NTRK1: variants seen among roughly 807,000 people sequenced by gnomAD.
The protein encoded by NTRK1 is high affinity nerve growth factor receptor.
Under a neutral mutation model 86.8 loss-of-function variants are expected in NTRK1, and 62 were observed. That is an observed-to-expected ratio of 0.71 (90% confidence interval 0.58 to 0.88). The LOEUF is 0.88. Ranked by LOEUF, NTRK1 falls within the 40% of genes least tolerant of loss-of-function variation. The probability of loss-of-function intolerance (pLI) is 0.00; values close to 1 mark genes in which losing one functional copy is unlikely to be tolerated. For synonymous variants in NTRK1, 469 were observed against 456.6 expected (o/e 1.03, Z -0.35); for missense variants, 967 against 1,078.4 (o/e 0.90, Z 1.45).
At chr1:156,863,773 C>G (rs1477433174) in intron 1 of NTRK1, among the ~76,000 whole-genome samples, 2 of 152,098 alleles carry the variant, frequency 1.3e-5, no homozygotes, top group Non-Finnish European at 2.9e-5. Flanking sequence ...GCACAGGCTT[C>G]GTCTGTGCTG....
Position 156,823,271 on chromosome 1 carries a change from C to T in NTRK1, c.-64+7433C>T, listed in dbSNP as rs1046562693. ...CAGTACAATATTGTGCGCACACCAC[C>T]ACATCCAGTTCAGTTTCAAGCTCCA... On this transcript the variant is annotated intron_variant, in intron 1 of 16. Transcript: ENST00000392302. Among the ~76,000 whole-genome samples, 5 of 152,184 alleles carry T rather than the reference C, an allele frequency of 3.3e-5. No homozygotes were observed. The East Asian group carries it at 9.6e-4, about 29-fold the overall frequency.
At chr1:156,865,258 A>G (rs1421042498) in intron 3 of NTRK1, among the ~76,000 whole-genome samples, 19 of 152,262 alleles carry the variant, frequency 1.2e-4, no homozygotes, top group African/African-American at 4.6e-4. Context: ...CCTGTAGAGC[A>G]GTGGACCCCA....
Position 156,841,413 on chromosome 1 carries a change from C to T in NTRK1, c.-63-668C>T, listed in dbSNP as rs780268467. ...ACTCACAGCTGAAGGGGACAGCCCT[C>T]CAGCTCCTCCAGGACCCCGCCATCC... On this transcript the variant is annotated intron_variant, in intron 1 of 16. Transcript: ENST00000392302. The T allele has an allele frequency of 4.3e-6, 7 of 1,613,770 alleles. No homozygotes were observed. In the South Asian group the frequency reaches 7.7e-5, roughly 18 times the overall value.
chr1:156,855,384 T>C (rs1286833576), intron 2 of NTRK1, among the ~76,000 whole-genome samples: 1 of 152,162 alleles, frequency 6.6e-6, no homozygotes, highest in Non-Finnish European at 1.5e-5. Context: ...TTTGCATTTT[T>C]AGTAGAGGCA....
At position 156,871,613 on chromosome 1, in the gene NTRK1, C is replaced by T. The variant is rs2102899920; in HGVS notation, c.718-10C>T. 6.2e-7 allele frequency: 1 copy of T among 1,614,102 alleles called. No homozygotes were observed. The highest frequency in any genetic ancestry group is 8.5e-7 in the Non-Finnish European group (1 of 1,179,992). ...CTCCTTCTTATTCCCCCCTCTCTTTCCTGATCTAGAAATCTGGGGGTCTGC... is the reference window on the plus strand; with the variant it reads ...CTCCTTCTTATTCCCCCCTCTCTTTTCTGATCTAGAAATCTGGGGGTCTGC... On this transcript the variant is annotated splice_polypyrimidine_tract_variant and intron_variant, in intron 6 of 16. Transcript: ENST00000524377.
At chr1:156,841,307 AGAG>A in intron 1 of NTRK1, 1 of 1,163,216 alleles carries the variant, frequency 8.6e-7, no homozygotes, top group Middle Eastern at 2.8e-4. Flanking sequence ...TCAAAGCATC[AGAG>A]GAGGTGAGCC....
intron 2 of NTRK1, among the ~76,000 whole-genome samples, chr1:156,855,232 C>T (rs1175151281): frequency 2.6e-5 from 2 of 77,262 alleles, no homozygotes; most frequent in African/African-American, 4.5e-5. Context: ...GATATGGAGT[C>T]TCACTCTGTC....
chr1:156,825,589 C>T (rs1654297033), intron 1 of NTRK1, among the ~76,000 whole-genome samples: 1 of 152,078 alleles, frequency 6.6e-6, no homozygotes, highest in Non-Finnish European at 1.5e-5. Flanking sequence ...AACAATGGCC[C>T]CATCATTACC....
intron 14 of NTRK1, 22 bp from the exon 15 acceptor site, chr1:156,879,100 C>T (rs371245492): frequency 1.3e-4 from 215 of 1,612,070 alleles, no homozygotes; most frequent in Non-Finnish European, 1.7e-4. Flanking sequence ...CAGCCTATCC[C>T]CTCTCCTTTT....
At chr1:156,849,513 G>GGGGGGGGGGGGGGGGC in intron 2 of NTRK1, 15 of 486,106 alleles carry the variant, frequency 3.1e-5, no homozygotes, top group East Asian at 1.1e-4. Context: ...CAGGGGGTGG[G>GGGGGGGGGGGGGGGGC]AAAGGGGATG....
In NTRK1 at chr1:156,827,180, G is replaced by A. The variant is rs1403264534; in HGVS notation, c.-64+11342G>A. ...TCACTGTAGCCTTGAACCCCCAGGT[G>A]CAAGCAATCCTCCACTTCAGCTTCC... On this transcript the variant is annotated intron_variant, in intron 1 of 16. Transcript: ENST00000392302. Among the ~76,000 whole-genome samples the A allele has an allele frequency of 5.9e-5, 3 of 50,498 alleles. No homozygotes were observed. In the Admixed American group the frequency reaches 7.0e-4, roughly 12 times the overall value. The allele number at this position is 50,498 out of a possible 152,430, so 33.1% of individuals were successfully genotyped here.
At chr1:156,852,338 TG>T in intron 2 of NTRK1, 1 of 787,004 alleles carries the variant, frequency 1.3e-6, no homozygotes, top group South Asian at 2.0e-5. Flanking sequence ...TTGCCGACTC[TG>T]TTCCCCTCCG....
rs2102917737 is a variant in NTRK1 at position 156,876,181 on chromosome 1, G to T, written c.1603G>T (p.Glu535Ter). 6.2e-7 allele frequency: 1 copy of T among 1,614,186 alleles called. No individual in the cohort carries two copies. The highest frequency in any genetic ancestry group is 1.1e-5 in the South Asian group (1 of 91,082). Residue 535 changes from glutamate (E) to a stop codon, truncating the protein, a stop_gained, in exon 13 of 17, where the codon GAG becomes TAG. Coordinates refer to ENST00000524377, the MANE Select transcript of NTRK1 (RefSeq NM_002529.4). LOFTEE classifies it high-confidence loss of function. Reference protein sequence around the residue: ...FLAECHNLLPEQDKMLVAVKA... With the variant: ...FLAECHNLLP Reference sequence around the variant, plus strand: ...TGCTGAGTGCCACAACCTCCTGCCTGAGCAGGACAAGATGCTGGTGGCTGT... The same window carrying T: ...TGCTGAGTGCCACAACCTCCTGCCTTAGCAGGACAAGATGCTGGTGGCTGT...
intron 7 of NTRK1, 124 bp downstream of exon 7, chr1:156,871,879 G>C: frequency 7.5e-7 from 1 of 1,333,976 alleles, no homozygotes; most frequent in East Asian, 2.4e-5. Flanking sequence ...CTCCCTCCCA[G>C]CTGTTTCCAG....
At chr1:156,844,456 G>A (rs778916506) in intron 2 of NTRK1, 2 of 1,612,792 alleles carry the variant, frequency 1.2e-6, no homozygotes, top group South Asian at 2.2e-5. Context: ...CAGAGGCTGT[G>A]TATACCTGGG....
chr1:156,860,631 G>C (rs1176620721), upstream of NTRK1, among the ~76,000 whole-genome samples: 1 of 152,222 alleles, frequency 6.6e-6, no homozygotes, highest in Non-Finnish European at 1.5e-5. Context: ...TCCGGCCTCA[G>C]CAGACACCTC....
chr1:156,860,854 C>T (rs1009139776), upstream of NTRK1: 8 of 1,376,452 alleles, frequency 5.8e-6, no homozygotes, highest in South Asian at 1.7e-5. Context: ...CCGCCCAGCG[C>T]ACATGTCGGG....
Position 156,868,505 on chromosome 1 carries a change from G to A in NTRK1, c.575G>A (p.Gly192Asp). ...GCCCTCGGGCGTCCTGGGTGGCCAG[G>A]TGTGCCCACGCTGAAGGTCCAGGTG... ...PLAHMPNASC[G>D]VPTLKVQVPN... The change falls in exon 6 of 17, where the codon GGT (glycine) becomes GAT (aspartate). Residue 192 changes from glycine to aspartate, a missense_variant and splice_region_variant. Physicochemically the swap from Gly to Asp is moderately conservative, Grantham distance 94. Around this residue, in one of 2 missense-constraint regions of NTRK1, gnomAD observed 330 missense variants for 302.0 expected, o/e 1.09. Coordinates refer to ENST00000524377, the MANE Select transcript of NTRK1 (RefSeq NM_002529.4). 4 of 1,557,440 alleles carry A rather than the reference G, an allele frequency of 2.6e-6. No homozygotes were observed. Among genetic ancestry groups the A allele is most frequent in the Non-Finnish European group, 3.5e-6 (4 of 1,150,514 alleles).
Position 156,871,680 on chromosome 1 carries a change from A to C in NTRK1, c.775A>C (p.Asn259His). Residue 259 changes from asparagine (N) to histidine (H), a missense_variant, in exon 7 of 17, where the codon AAC becomes CAC. Asn to His is a moderately conservative substitution (Grantham distance 68). Coordinates refer to ENST00000524377, the MANE Select transcript of NTRK1 (RefSeq NM_002529.4). ...LTLANVTSDL[N>H]RKNVTCWAEN... is the part of the protein sequence containing the mutation. Reference sequence around the variant, plus strand: ...CCTGGCCAATGTCACCAGTGACCTCAACAGGAAGAACGTGACGTGCTGGGC... The same window carrying C: ...CCTGGCCAATGTCACCAGTGACCTCCACAGGAAGAACGTGACGTGCTGGGC... The C allele has an allele frequency of 6.2e-7, 1 of 1,614,148 alleles. No individual in the cohort carries two copies. The highest frequency in any genetic ancestry group is 8.5e-7 in the Non-Finnish European group (1 of 1,180,028).
Sources: allele counts gnomAD v4.1 joint callset (sites outside exome capture counted in the v4.1 genomes callset), GRCh38; gene constraint gnomAD v4.1.1; regional missense constraint gnomAD v4.1.1; transcripts MANE v1.5; gene names NCBI Gene and HGNC (gene_info 2026-07-23, HGNC 2026-07-21).